FBXW9: variants seen among roughly 807,000 people sequenced by gnomAD.
FBXW9 encodes F-box and WD repeat domain containing 9.
In FBXW9, 38 loss-of-function variants were observed where a neutral mutation model predicts 55.8. The observed-to-expected ratio is 0.68, with a 90% CI of 0.53 to 0.89. The LOEUF (loss-of-function observed/expected upper bound fraction) is 0.89. FBXW9 is among the 40% of genes least tolerant of loss of function. The pLI is 0.00. For missense variants in FBXW9, 590 were observed against 619.4 expected, an observed-to-expected ratio of 0.95 and a Z score of 0.50; for synonymous variants, 289 against 278.2, an observed-to-expected ratio of 1.04 and a Z score of -0.38.
chr19:12,689,061 G>C lies in FBXW9; in HGVS notation c.*155C>G. On this transcript the variant is annotated 3_prime_UTR_variant, in exon 10 of 10. Transcript: ENST00000393261. The surrounding 1 kb of genome is among the most constrained non-coding windows in gnomAD (Gnocchi z 5.9). ...CAATTTCACCCTTCCCCCGGGCATA[G>C]GGCCCAGGCCAGGACGCTCACCCGA... 1 of 740,908 alleles carries C rather than the reference G, an allele frequency of 1.3e-6. No individual in the cohort carries two copies. The highest frequency in any genetic ancestry group is 2.4e-6 in the Non-Finnish European group (1 of 416,994). 45.9% of individuals were successfully genotyped at this position (740,908 alleles called of 1,614,324 possible).
In FBXW9 at chr19:12,691,381, C is replaced by A; in HGVS notation, c.752G>T (p.Trp251Leu). The change falls in exon 4 of 10, where the codon TGG becomes TTG. Residue 251 changes from tryptophan to leucine, a missense_variant. Transcript: ENST00000393261. Reference sequence around the variant, plus strand: ...CTGCTGCCCATCCGCTGCCATGTCCCAGAGCTTCACTGTGCTGTCCCAGGA... The same window carrying A: ...CTGCTGCCCATCCGCTGCCATGTCCAAGAGCTTCACTGTGCTGTCCCAGGA... ...SGSWDSTVKL[W>L]DMAADGQQFG... 6.2e-7 allele frequency: 1 copy of A among 1,613,056 alleles called. No individual in the cohort carries two copies. Among genetic ancestry groups the A allele is most frequent in the Non-Finnish European group, 8.5e-7 (1 of 1,179,616 alleles).
At chr19:12,696,031 T>C in intron 1 of FBXW9, 142 bp downstream of exon 1, 2 of 898,562 alleles carry the variant, frequency 2.2e-6, no homozygotes, top group African/African-American at 1.8e-5. Context: ...GTAACTACCT[T>C]AGCCTCCAGC....
At chr19:12,692,646 C>A (rs1272702967) in intron 3 of FBXW9, among the ~76,000 whole-genome samples, 1 of 152,104 alleles carries the variant, frequency 6.6e-6, no homozygotes. Context: ...CTCGGCCTCC[C>A]GAGTCGCTGG....
At chr19:12,690,285 C>T in intron 5 of FBXW9, 175 bp from the exon 6 acceptor site, 8 of 1,070,778 alleles carry the variant, frequency 7.5e-6, no homozygotes, top group Non-Finnish European at 9.6e-6. Context: ...TCCAGGCTTC[C>T]ACAGGAGCCC....
rs774896420 is a variant in FBXW9 at position 12,694,781 on chromosome 19, C to T, written c.549+18G>A. On this transcript the variant is annotated intron_variant, in intron 2 of 9. Coordinates refer to ENST00000393261, the MANE Select transcript of FBXW9 (RefSeq NM_032301.3). ...ACCCTGGCCCACCCTGCCTGGCCCC[C>T]CACAGACCCCGTCTCACCTGGAGCA... 1 of 1,613,806 alleles carries T rather than the reference C, an allele frequency of 6.2e-7. No homozygotes were observed. The highest frequency in any genetic ancestry group is 1.7e-5 in the Admixed American group (1 of 59,992).
Position 12,689,234 on chromosome 19 carries a change from G to T in FBXW9, c.1359C>A (p.Val453=), listed in dbSNP as rs1329660300. The stretch of plus-strand genomic sequence containing the variant: ...CACCTGCTCAGGCCTGCAGCCTCCA[G>T]ACCTCTAGCGACAGGTCTCCAGAGC... ...VAGSGDLSLE[V]WRLQA is the part of the protein sequence containing the mutation. The change falls in exon 10 of 10, where the codon GTC becomes GTA. Residue 453 remains valine, a synonymous_variant. Coordinates refer to ENST00000393261, the MANE Select transcript of FBXW9 (RefSeq NM_032301.3). The surrounding 1 kb of genome is among the most constrained non-coding windows in gnomAD (Gnocchi z 5.9). The T allele has an allele frequency of 6.2e-7, 1 of 1,613,168 alleles. No individual in the cohort carries two copies. The highest frequency in any genetic ancestry group is 8.5e-7 in the Non-Finnish European group (1 of 1,179,058).
At position 12,694,574 on chromosome 19, in the gene FBXW9, AT is replaced by A; in HGVS notation, c.678+19del. On this transcript the variant is annotated intron_variant, in intron 3 of 9. Coordinates refer to ENST00000393261, the MANE Select transcript of FBXW9 (RefSeq NM_032301.3). Reference sequence around the variant, plus strand: ...GCCCTACTCAGGCCTCATACCTCCTATCCCCACCTGACTCCTCACCTCATGG... The same window carrying A: ...GCCCTACTCAGGCCTCATACCTCCTACCCCACCTGACTCCTCACCTCATGG... 6.2e-7 allele frequency: 1 copy of A among 1,611,566 alleles called. No individual in the cohort carries two copies. The highest frequency in any genetic ancestry group is 8.5e-7 in the Non-Finnish European group (1 of 1,177,978).
chr19:12,696,173 C>T lies in FBXW9; in HGVS notation c.409G>A (p.Glu137Lys), dbSNP rs1343389967. Residue 137 changes from glutamate (E) to lysine (K), a missense_variant and splice_region_variant, in exon 1 of 10, where the codon GAG becomes AAG. Physicochemically the swap from Glu to Lys is moderately conservative, Grantham distance 56. Transcript: ENST00000393261. ...RVRAPYPVVE[E>K]KNFDWPAACI... Reference sequence around the variant, plus strand: ...GTCCCCGGCCCCCGGCCCCGCGCACCTTCCACCACTGGGTAGGGCGCGCGT... The same window carrying T: ...GTCCCCGGCCCCCGGCCCCGCGCACTTTCCACCACTGGGTAGGGCGCGCGT... The T allele has an allele frequency of 6.6e-7, 1 of 1,526,698 alleles. No homozygotes were observed. Among genetic ancestry groups the T allele is most frequent in the South Asian group, 1.2e-5 (1 of 82,322 alleles). 94.6% of individuals were successfully genotyped at this position (1,526,698 alleles called of 1,614,324 possible).
chr19:12,693,768 G>A (rs2025042809), intron 3 of FBXW9, among the ~76,000 whole-genome samples: 1 of 148,206 alleles, frequency 6.7e-6, no homozygotes, highest in East Asian at 2.0e-4. Flanking sequence ...GCAGGCACCT[G>A]TAATCCCAGT....
chr19:12,696,367 G>GAA lies in FBXW9; in HGVS notation c.213_214dup (p.Ser72PhefsTer4). ...CAGAAGGCCCGGCTCACTTACGGCC[G>GAA]AAACCCTGGACGCGGCCCGAGGCTC... On this transcript the variant is annotated frameshift_variant, in exon 1 of 10. Coordinates refer to ENST00000393261, the MANE Select transcript of FBXW9 (RefSeq NM_032301.3). LOFTEE classifies it high-confidence loss of function. 6.2e-7 allele frequency: 1 copy of GAA among 1,608,696 alleles called. No homozygotes were observed. Among genetic ancestry groups the GAA allele is most frequent in the Non-Finnish European group, 8.5e-7 (1 of 1,178,262 alleles).
In FBXW9 at chr19:12,694,629, T is replaced by G. The variant is rs758926949; in HGVS notation, c.643A>C (p.Lys215Gln). The change falls in exon 3 of 10, where the codon AAG (lysine) becomes CAG (glutamine). Residue 215 changes from lysine (K) to glutamine (Q), a missense_variant. Coordinates refer to ENST00000393261, the MANE Select transcript of FBXW9 (RefSeq NM_032301.3). Reference protein sequence around the residue: ...LGTESNQVLIKTLGTKRNSTH... With the variant: ...LGTESNQVLIQTLGTKRNSTH... ...CTATTTCGCTTAGTGCCTAAGGTCT[T>G]GATCAGAACCTGGTTGGACTCCGTC... is the stretch of plus-strand genomic sequence containing the variant. The G allele has an allele frequency of 1.4e-4, 228 of 1,614,114 alleles. 1 individual carries two copies. The highest frequency in any genetic ancestry group is 3.5e-4 in the Admixed American group (21 of 59,996).
intron 3 of FBXW9, among the ~76,000 whole-genome samples, chr19:12,694,199 G>C (rs1224554867): frequency 6.6e-6 from 1 of 150,434 alleles, no homozygotes; most frequent in Admixed American, 6.6e-5. Flanking sequence ...AAATTAGACA[G>C]GTGTGGTGGC....
rs756857411 is a variant in FBXW9, at chr19:12,689,274, T to C, written c.1319A>G (p.Asn440Ser). The C allele has an allele frequency of 3.7e-6, 6 of 1,614,034 alleles. No individual in the cohort carries two copies. The highest frequency in any genetic ancestry group is 2.2e-5 in the East Asian group (1 of 44,882). ...NGLNRVCAEGNLVVAGSGDLS... is the reference protein window; with the variant it reads ...NGLNRVCAEGSLVVAGSGDLS... ...GTCTCCAGAGCCGGCCACCACCAGG[T>C]TGCCCTCAGCACAGACCTGGGAAGG... is the stretch of plus-strand genomic sequence containing the variant. Residue 440 changes from asparagine to serine, a missense_variant, in exon 10 of 10, where the codon AAC (asparagine) becomes AGC (serine). Transcript: ENST00000393261. The surrounding 1 kb of genome is among the most constrained non-coding windows in gnomAD (Gnocchi z 5.9).
rs765187193 is a variant in FBXW9, at chr19:12,690,051, C to T, written c.943G>A (p.Ala315Thr). ...CCTGAGATGATGTGCCGGTCATCCG[C>T]CAGCAGGGTCAGCACGGGTCTGGAG... is the stretch of plus-strand genomic sequence containing the variant. The part of the protein sequence containing the change: ...LHSRPVLTLL[A>T]DDRHIISGSE... The change falls in exon 6 of 10, where the codon GCG (alanine) becomes ACG (threonine). Residue 315 changes from alanine to threonine, a missense_variant. Transcript: ENST00000393261. 1 of 1,614,094 alleles carries T rather than the reference C, an allele frequency of 6.2e-7. No homozygotes were observed. The highest frequency in any genetic ancestry group is 8.5e-7 in the Non-Finnish European group (1 of 1,180,030).
chr19:12,691,518 TTC>T lies in FBXW9; in HGVS notation c.679-66_679-65del, dbSNP rs1302370124. 6.4e-6 allele frequency: 9 copies of T among 1,398,518 alleles called. No homozygotes were observed. The African/African-American group carries it at 8.5e-5, about 13-fold the overall frequency. 86.6% of individuals were successfully genotyped at this position (1,398,518 alleles called of 1,614,324 possible). A position where few individuals can be genotyped will look rare whatever the true frequency, so the allele number is the denominator to read the frequency against. On this transcript the variant is annotated intron_variant, in intron 3 of 9. Transcript: ENST00000393261. Reference sequence around the variant, plus strand: ...CCATGGGGGTCCCAGACTGGGATCGTTCTGTTTTTGCAGGTAAGGCTCAGAGA... The same window carrying T: ...CCATGGGGGTCCCAGACTGGGATCGTTGTTTTTGCAGGTAAGGCTCAGAGA...
In FBXW9 at chr19:12,689,012, G is replaced by A. The variant is rs901046733; in HGVS notation, c.*204C>T. The A allele has an allele frequency of 3.6e-5, 25 of 699,774 alleles. No individual in the cohort carries two copies. Among genetic ancestry groups the A allele is most frequent in the African/African-American group, 3.5e-4 (20 of 57,192 alleles). The allele number at this position is 699,774 out of a possible 1,614,324, so 43.3% of individuals were successfully genotyped here. A position where few individuals can be genotyped will look rare whatever the true frequency, so the allele number is the denominator to read the frequency against. On this transcript the variant is annotated 3_prime_UTR_variant, in exon 10 of 10. Transcript: ENST00000393261. This position sits in a 1 kb window ranked among gnomAD's most constrained non-coding sequence, Gnocchi z 5.9. ...AAACCAGGGCCCAAGAGTGGGAAGC[G>A]GCCCCCTGGGTGGGCCTGAACCCCA... is the stretch of plus-strand genomic sequence containing the variant.
At chr19:12,695,007 CA>C in intron 1 of FBXW9, 69 bp from the exon 2 acceptor site, 1 of 1,544,976 alleles carries the variant, frequency 6.5e-7, no homozygotes, top group Non-Finnish European at 8.7e-7. Context: ...TGGCCAAGCC[CA>C]ACCCTGGCTT....
intron 3 of FBXW9, among the ~76,000 whole-genome samples, chr19:12,693,559 TATACACAC>T (rs1434972514): frequency 0.014 from 151 of 10,976 alleles, 1 homozygote; most frequent in Non-Finnish European, 0.019. Flanking sequence ...TATATATATA[TATACACAC>T]ACACACACAC....
At chr19:12,694,774 TG>T in intron 2 of FBXW9, 24 bp downstream of exon 2, 1 of 1,613,840 alleles carries the variant, frequency 6.2e-7, no homozygotes, top group Non-Finnish European at 8.5e-7. Flanking sequence ...CCACCCTGCC[TG>T]GCCCCCCACA....
Sources: gnomAD v4.1 joint callset for allele counts (sites outside exome capture counted in the v4.1 genomes callset) on GRCh38, gnomAD v4.1.1 for gene constraint, Gnocchi (gnomAD v3.1) non-coding constraint, MANE v1.5 for transcripts, NCBI Gene and HGNC (gene_info 2026-07-23, HGNC 2026-07-21) for gene names.